The following PCDH9 variants were observed in gnomAD, a reference collection of about 807,000 sequenced individuals.
PCDH9 encodes protocadherin 9.
A neutral mutation model predicts 70.6 loss-of-function variants in PCDH9; 24 were observed. The observed-to-expected ratio is 0.34, with a 90% CI of 0.25 to 0.48. The LOEUF (loss-of-function observed/expected upper bound fraction) is 0.48, where lower values mean the gene tolerates loss of function less well. Ranked by LOEUF, PCDH9 falls within the 20% of genes least tolerant of loss-of-function variation. The pLI, the probability that PCDH9 is intolerant of heterozygous loss-of-function variation, is 0.99. For missense variants in PCDH9, 1,281 were observed against 1,503.6 expected, an observed-to-expected ratio of 0.85 and a Z score of 2.45; for synonymous variants, 562 against 558.5, an observed-to-expected ratio of 1.01 and a Z score of -0.09.
chr13:67,024,231 C>A (rs540298763), intron 2 of PCDH9, among the ~76,000 whole-genome samples: 1 of 152,234 alleles, frequency 6.6e-6, no homozygotes, highest in East Asian at 1.9e-4. Context: ...AATTTAAATT[C>A]TGTTGAAAAC....
At chr13:66,793,754 T>C (rs1385546779) in intron 3 of PCDH9, among the ~76,000 whole-genome samples, 1 of 152,154 alleles carries the variant, frequency 6.6e-6, no homozygotes, top group Non-Finnish European at 1.5e-5. Flanking sequence ...TGCTGAAAAC[T>C]TTAACATCTG....
At chr13:66,946,655 C>G (rs1386686539) in intron 2 of PCDH9, among the ~76,000 whole-genome samples, 1 of 151,788 alleles carries the variant, frequency 6.6e-6, no homozygotes, top group African/African-American at 2.4e-5. Flanking sequence ...ACTAGAGAAC[C>G]CAAGAATGTT....
intron 4 of PCDH9, among the ~76,000 whole-genome samples, chr13:66,544,255 A>C (rs753464166): frequency 2.0e-5 from 3 of 152,114 alleles, no homozygotes; most frequent in Non-Finnish European, 4.4e-5. Context: ...CTTCATAATG[A>C]ACCTTTACCT....
intron 3 of PCDH9, among the ~76,000 whole-genome samples, chr13:66,745,370 G>C (rs2079344603): frequency 1.3e-5 from 2 of 152,160 alleles, no homozygotes; most frequent in Admixed American, 6.5e-5. Context: ...GGGCAGACGA[G>C]TGCCATCTCA....
At chr13:66,625,122 C>T (rs949949530) in intron 4 of PCDH9, among the ~76,000 whole-genome samples, 15 of 149,438 alleles carry the variant, frequency 1.0e-4, no homozygotes, top group Non-Finnish European at 1.9e-4. Context: ...TCTTCATAAT[C>T]GATCACTATC....
chr13:67,176,876 A>G (rs894837816), intron 2 of PCDH9, among the ~76,000 whole-genome samples: 1 of 152,056 alleles, frequency 6.6e-6, no homozygotes, highest in South Asian at 2.1e-4. Flanking sequence ...CTGTGATCTT[A>G]TTACAAAATA....
intron 4 of PCDH9, among the ~76,000 whole-genome samples, chr13:66,517,349 C>T (rs1296078264): frequency 6.6e-6 from 1 of 152,104 alleles, no homozygotes; most frequent in African/African-American, 2.4e-5. Context: ...AGCTTGATCA[C>T]TTTAGCTTAA....
At chr13:67,011,861 G>A (rs936035289) in intron 2 of PCDH9, among the ~76,000 whole-genome samples, 2 of 151,804 alleles carry the variant, frequency 1.3e-5, no homozygotes, top group African/African-American at 4.8e-5. Context: ...ACTAATATCA[G>A]TAAACCTGTC....
intron 4 of PCDH9, among the ~76,000 whole-genome samples, chr13:66,333,180 A>G (rs1393329314): frequency 6.6e-6 from 1 of 152,208 alleles, no homozygotes; most frequent in Non-Finnish European, 1.5e-5. Flanking sequence ...TATCTAAGGT[A>G]AGAGAAATAA....
At chr13:66,447,990 T>C (rs757701476) in intron 4 of PCDH9, among the ~76,000 whole-genome samples, 4 of 152,166 alleles carry the variant, frequency 2.6e-5, no homozygotes, top group East Asian at 1.9e-4. Context: ...CTCACTGTTG[T>C]CATTTATGCC....
chr13:66,311,470 T>C (rs1001253153), intron 4 of PCDH9, among the ~76,000 whole-genome samples: 9 of 152,050 alleles, frequency 5.9e-5, no homozygotes, highest in Middle Eastern at 3.4e-3. Context: ...TATAGGTTTA[T>C]GTAAATCTGG....
intron 4 of PCDH9, among the ~76,000 whole-genome samples, chr13:66,448,981 C>G (rs1015356156): frequency 6.6e-6 from 1 of 152,142 alleles, no homozygotes; most frequent in Non-Finnish European, 1.5e-5. Flanking sequence ...TCAATCAACA[C>G]TTCAGCCCCC....
intron 2 of PCDH9, among the ~76,000 whole-genome samples, chr13:66,988,501 G>T (rs1458695001): frequency 1.3e-5 from 2 of 151,974 alleles, no homozygotes; most frequent in Non-Finnish European, 1.5e-5. Flanking sequence ...ACATTCCATA[G>T]CAGAAAGGAT....
chr13:67,052,000 T>C lies in PCDH9; in HGVS notation c.3037-148395A>G, dbSNP rs190451395. Among the ~76,000 whole-genome samples the C allele has an allele frequency of 9.4e-4, 143 of 152,284 alleles. 1 individual carries two copies. The highest frequency in any genetic ancestry group is 3.1e-3 in the South Asian group (15 of 4,826). ...TTACCGCAGCCATGCAAGACTGACA[T>C]TATTGTCCAATTTTATAGGTGGAAG... On this transcript the variant is annotated intron_variant, in intron 2 of 4. Transcript: ENST00000377865.
At position 67,058,892 on chromosome 13, in the gene PCDH9, A is replaced by AT. The variant is rs71207618; in HGVS notation, c.3037-155288dup. Among the ~76,000 whole-genome samples, 1,213 of 152,172 alleles carry AT rather than the reference A, an allele frequency of 8.0e-3. 10 individuals carry two copies. The highest frequency in any genetic ancestry group is 0.014 in the Middle Eastern group (4 of 294). ...ATGTACTCTCCTTGTTTTTAGGTGT[A>AT]TTTTTTAAAAAGAAAGGTCTTTCAA... On this transcript the variant is annotated intron_variant, in intron 2 of 4. Transcript: ENST00000377865.
At chr13:67,136,943 A>G (rs763410199) in intron 2 of PCDH9, among the ~76,000 whole-genome samples, 30 of 151,994 alleles carry the variant, frequency 2.0e-4, no homozygotes, top group Admixed American at 1.4e-3. Context: ...TTTATGAATA[A>G]AAGTTTCTAT....
At chr13:66,666,252 C>G (rs2078095311) in intron 3 of PCDH9, among the ~76,000 whole-genome samples, 1 of 152,150 alleles carries the variant, frequency 6.6e-6, no homozygotes, top group Admixed American at 6.5e-5. Context: ...GTGATGCCAG[C>G]AGACCAGACT....
chr13:66,851,900 A>G (rs922370723), intron 3 of PCDH9, among the ~76,000 whole-genome samples: 12 of 152,212 alleles, frequency 7.9e-5, no homozygotes, highest in South Asian at 4.1e-4. Context: ...GTGTCAGCCA[A>G]TCTGGTTTCT....
intron 3 of PCDH9, among the ~76,000 whole-genome samples, chr13:66,763,837 C>T (rs1472434257): frequency 6.6e-6 from 1 of 151,914 alleles, no homozygotes; most frequent in Non-Finnish European, 1.5e-5. Context: ...GATCTGTCAT[C>T]CAGCAGGCTG....
Sources: allele counts gnomAD v4.1 joint callset (sites outside exome capture counted in the v4.1 genomes callset), GRCh38; gene constraint gnomAD v4.1.1; transcripts MANE v1.5; gene names NCBI Gene and HGNC (gene_info 2026-07-23, HGNC 2026-07-21).